The following SYT14 variants were observed in gnomAD, a reference collection of about 807,000 sequenced individuals.
SYT14 encodes synaptotagmin-14.
A neutral mutation model predicts 74.2 loss-of-function variants in SYT14; 32 were observed. That is an observed-to-expected ratio of 0.43 (90% confidence interval 0.33 to 0.58). The LOEUF is 0.58. Among genes scored for constraint, SYT14 ranks in the 20% least tolerant of loss-of-function variants. The pLI is 0.05. For synonymous variants in SYT14, 298 were observed against 337.7 expected, an observed-to-expected ratio of 0.88 and a Z score of 1.29; for missense variants, 791 against 981.8, an observed-to-expected ratio of 0.81 and a Z score of 2.60.
chr1:210,128,570 C>G (rs2082615150), intron 7 of SYT14, among the ~76,000 whole-genome samples: 1 of 152,152 alleles, frequency 6.6e-6, no homozygotes. Context: ...AAATGCCACT[C>G]TTTAAAAATC....
At chr1:210,141,061 AAAAG>A (rs2082904915) in intron 7 of SYT14, among the ~76,000 whole-genome samples, 1 of 151,854 alleles carries the variant, frequency 6.6e-6, no homozygotes, top group Admixed American at 6.6e-5. Flanking sequence ...AAAAAAAAAA[AAAAG>A]AAGGCCATAG....
At position 210,083,771 on chromosome 1, in the gene SYT14, A is replaced by G. The variant is rs1052726104; in HGVS notation, c.1313-10551A>G. ...TTTTGTAGAGATGAACTTTCGCCAC[A>G]TTGCCCAGGCTTAGTCTCGAACTCC... On this transcript the variant is annotated intron_variant, in intron 5 of 9. Transcript: ENST00000637265. 5.9e-5 allele frequency among the ~76,000 whole-genome samples: 9 copies of G among 151,418 alleles called. 1 individual carries two copies. Among genetic ancestry groups the G allele is most frequent in the Admixed American group, 6.6e-5 (1 of 15,202 alleles).
chr1:210,022,071 A>G (rs1396257458), intron 5 of SYT14, among the ~76,000 whole-genome samples: 1 of 152,220 alleles, frequency 6.6e-6, no homozygotes, highest in Admixed American at 6.5e-5. Flanking sequence ...CCCAGATATG[A>G]GGGACAGAAT....
Position 209,991,823 on chromosome 1 carries a change from C to G in SYT14, c.-485-21810C>G, listed in dbSNP as rs531795877. ...CCAGCCTGGGCGATAAAGCGAGACT[C>G]CGTCTCGAGAAAAAAAAAAAAAAAG... On this transcript the variant is annotated intron_variant, in intron 2 of 9. Transcript: ENST00000637265. Among the ~76,000 whole-genome samples, 212 of 151,340 alleles carry G rather than the reference C, an allele frequency of 1.4e-3. 2 individuals are homozygous for G. The highest frequency in any genetic ancestry group is 5.0e-3 in the African/African-American group (205 of 41,240).
At chr1:210,115,359 G>T (rs1364798179) in intron 7 of SYT14, among the ~76,000 whole-genome samples, 1 of 150,910 alleles carries the variant, frequency 6.6e-6, no homozygotes, top group Non-Finnish European at 1.5e-5. Context: ...GAAGGGTTGG[G>T]GGGTGCTTGC....
chr1:210,099,451 G>A (rs1188771031), intron 6 of SYT14, among the ~76,000 whole-genome samples: 2 of 152,050 alleles, frequency 1.3e-5, no homozygotes, highest in Non-Finnish European at 2.9e-5. Context: ...ATATTTGACC[G>A]CTAATATTTT....
intron 5 of SYT14, among the ~76,000 whole-genome samples, chr1:210,086,028 G>A (rs1356898690): frequency 2.0e-5 from 3 of 151,978 alleles, no homozygotes; most frequent in Non-Finnish European, 4.4e-5. Context: ...TTATTGGGGA[G>A]GTTTTAAAAT....
intron 2 of SYT14, among the ~76,000 whole-genome samples, chr1:209,976,193 C>T (rs2079360390): frequency 6.6e-6 from 1 of 151,850 alleles, no homozygotes; most frequent in African/African-American, 2.4e-5. Flanking sequence ...TTTTTTGTGT[C>T]TCTATTTCCT....
chr1:210,135,313 T>C (rs2082762108), intron 7 of SYT14, among the ~76,000 whole-genome samples: 1 of 152,188 alleles, frequency 6.6e-6, no homozygotes, highest in African/African-American at 2.4e-5. Flanking sequence ...GTGGTTTGAT[T>C]TTAGACCTTC....
At chr1:209,963,661 T>C (rs552297790) in intron 2 of SYT14, among the ~76,000 whole-genome samples, 105 of 152,294 alleles carry the variant, frequency 6.9e-4, no homozygotes, top group Middle Eastern at 3.4e-3. Context: ...ATATGACTCA[T>C]CTTTTCTACA....
chr1:210,164,299 A>C, exon 10 of SYT14: 1 of 243,796 alleles, frequency 4.1e-6, no homozygotes, highest in Non-Finnish European at 8.2e-6. Context: ...AAAAAAAGAA[A>C]ACCCAATGAG....
rs531285656 is a variant in SYT14 at position 210,075,708 on chromosome 1, C to T, written c.1313-18614C>T. Among the ~76,000 whole-genome samples the T allele has an allele frequency of 2.0e-5, 3 of 152,110 alleles. No individual in the cohort carries two copies. The South Asian group carries it at 6.3e-4, about 32-fold the overall frequency. On this transcript the variant is annotated intron_variant, in intron 5 of 9. Transcript: ENST00000637265. The stretch of plus-strand genomic sequence containing the variant: ...GGTCTTAGGAAATGCAACATTTGGG[C>T]GCAAAGACAGGAGTACCTGTCCTCA...
intron 2 of SYT14, among the ~76,000 whole-genome samples, chr1:209,968,814 G>A (rs112050321): frequency 8.6e-5 from 13 of 151,674 alleles, no homozygotes; most frequent in African/African-American, 2.9e-4. Flanking sequence ...GTGTGATGGT[G>A]AGGTTTAGGG....
intron 5 of SYT14, among the ~76,000 whole-genome samples, chr1:210,058,428 A>G (rs1159893491): frequency 6.6e-6 from 1 of 152,142 alleles, no homozygotes; most frequent in Non-Finnish European, 1.5e-5. Flanking sequence ...GATATTTTTG[A>G]GGCTCCCTTT....
intron 2 of SYT14, among the ~76,000 whole-genome samples, chr1:210,000,710 G>GT (rs1347251755): frequency 3.4e-5 from 5 of 147,380 alleles, no homozygotes; most frequent in South Asian, 2.2e-4. Flanking sequence ...TGCCCTCCGA[G>GT]TCAAGTGATT....
exon 10 of SYT14, chr1:210,163,995 C>A: frequency 2.2e-6 from 1 of 452,846 alleles, no homozygotes; most frequent in Non-Finnish European, 4.4e-6. Flanking sequence ...ATATGGCAAT[C>A]GACTGGCATT....
chr1:210,027,745 C>T (rs138524727), intron 5 of SYT14, among the ~76,000 whole-genome samples: 218 of 152,078 alleles, frequency 1.4e-3, no homozygotes, highest in Admixed American at 4.0e-3. Context: ...AAAATATGGC[C>T]AATTTGAAGG....
At chr1:209,952,034 G>T (rs2102678312) in intron 1 of SYT14, among the ~76,000 whole-genome samples, 1 of 152,216 alleles carries the variant, frequency 6.6e-6, no homozygotes, top group African/African-American at 2.4e-5. Flanking sequence ...CAAAGTTCTG[G>T]TTCTTGCCTT....
At chr1:210,086,724 ATATT>A (rs767715208) in intron 5 of SYT14, among the ~76,000 whole-genome samples, 8 of 152,188 alleles carry the variant, frequency 5.3e-5, no homozygotes, top group Non-Finnish European at 1.0e-4. Context: ...CAAAGCTAGA[ATATT>A]TATGTGTGGG....
Sources: gnomAD v4.1 joint callset for allele counts (sites outside exome capture counted in the v4.1 genomes callset) on GRCh38, gnomAD v4.1.1 for gene constraint, MANE v1.5 for transcripts, NCBI Gene and HGNC (gene_info 2026-07-23, HGNC 2026-07-21) for gene names.